Variants in CFAP44 observed in about 807,000 individuals in gnomAD.
CFAP44 encodes the protein cilia- and flagella-associated protein 44.
CFAP44 carries 134 observed loss-of-function variants against 216.2 expected under a neutral mutation model. The observed-to-expected ratio is 0.62, with a 90% CI of 0.54 to 0.72. The LOEUF is 0.72. Among genes scored for constraint, CFAP44 ranks in the 30% least tolerant of loss-of-function variants. The pLI is 0.00. For synonymous variants in CFAP44, 700 were observed against 727.6 expected, an observed-to-expected ratio of 0.96 and a Z score of 0.61; for missense variants, 2,035 against 2,182.1, an observed-to-expected ratio of 0.93 and a Z score of 1.34.
At chr3:113,340,604 A>G (rs1185040591) in intron 24 of CFAP44, among the ~76,000 whole-genome samples, 1 of 152,162 alleles carries the variant, frequency 6.6e-6, no homozygotes, top group East Asian at 1.9e-4. Flanking sequence ...CCATTGCTCA[A>G]ACCTCTAGGG....
intron 8 of CFAP44, among the ~76,000 whole-genome samples, chr3:113,404,290 T>C (rs1225537278): frequency 6.6e-6 from 1 of 152,216 alleles, no homozygotes; most frequent in East Asian, 1.9e-4. Context: ...ATGTATACAA[T>C]AGACTTCTTG....
Position 113,366,034 on chromosome 3 carries a change from C to A in CFAP44, c.2715+5G>T. ...TATTAATTAACTGGTTAATTAATTA[C>A]ATACCCTGGGAGATGGAACTTTGGC... On this transcript the variant is annotated splice_donor_5th_base_variant and intron_variant, in intron 19 of 34. Transcript: ENST00000393845. The A allele has an allele frequency of 6.3e-7, 1 of 1,596,538 alleles. No individual in the cohort carries two copies. Among genetic ancestry groups the A allele is most frequent in the Non-Finnish European group, 8.5e-7 (1 of 1,170,234 alleles).
chr3:113,294,568 G>C, intron 34 of CFAP44, 119 bp downstream of exon 34: 1 of 1,316,250 alleles, frequency 7.6e-7, no homozygotes, highest in Non-Finnish European at 1.0e-6. Context: ...AGATGGTCTG[G>C]AAGTGGTCCA....
rs774133139 is a variant in CFAP44, at chr3:113,416,535, T to A, written c.663A>T (p.Arg221Ser). 6.2e-7 allele frequency: 1 copy of A among 1,607,222 alleles called. No homozygotes were observed. Among genetic ancestry groups the A allele is most frequent in the South Asian group, 1.1e-5 (1 of 90,398 alleles). The change falls in exon 6 of 35, where the codon AGA becomes AGT. Residue 221 changes from arginine to serine, a missense_variant. Physicochemically the swap from Arg to Ser is moderately radical, Grantham distance 110. Transcript: ENST00000393845. ...IYEYPSLRPY[R>S]VLRDGTEKGY... Reference sequence around the variant, plus strand: ...TGCTTCTGGACTCACCTCGAAGGACTCTGTATGGTCTCAGAGAAGGATATT... The same window carrying A: ...TGCTTCTGGACTCACCTCGAAGGACACTGTATGGTCTCAGAGAAGGATATT...
chr3:113,293,812 T>C (rs1949854592), intron 34 of CFAP44: 1 of 273,076 alleles, frequency 3.7e-6, no homozygotes. Flanking sequence ...GTTTCTTACT[T>C]TGGGACTTTT....
rs1249541085 is a variant in CFAP44, at chr3:113,423,866, A to C, written c.407+2258T>G. Reference sequence around the variant, plus strand: ...ACGTGCAGGAAGATTTATGGACTGAAAAAGGAAAGTGACATACAGAAAACG... The same window carrying C: ...ACGTGCAGGAAGATTTATGGACTGACAAAGGAAAGTGACATACAGAAAACG... On this transcript the variant is annotated intron_variant, in intron 4 of 34. Coordinates refer to ENST00000393845, the MANE Select transcript of CFAP44 (RefSeq NM_001164496.2). Among the ~76,000 whole-genome samples, 4 of 152,196 alleles carry C rather than the reference A, an allele frequency of 2.6e-5. No homozygotes were observed. The South Asian group carries it at 8.3e-4, about 32-fold the overall frequency.
chr3:113,370,742 A>C (rs1933126004), intron 18 of CFAP44, among the ~76,000 whole-genome samples: 1 of 152,184 alleles, frequency 6.6e-6, no homozygotes, highest in African/African-American at 2.4e-5. Flanking sequence ...CAAACAGGCA[A>C]GAGAAAGAGA....
At chr3:113,324,588 A>G (rs1037900620) in intron 28 of CFAP44, among the ~76,000 whole-genome samples, 1 of 152,178 alleles carries the variant, frequency 6.6e-6, no homozygotes, top group Non-Finnish European at 1.5e-5. Context: ...CATGAAAAAG[A>G]GGAACAGAGG....
At chr3:113,400,033 T>C (rs1040299013) in intron 12 of CFAP44, 33 bp from the exon 13 acceptor site, 2 of 1,411,596 alleles carry the variant, frequency 1.4e-6, no homozygotes, top group African/African-American at 1.5e-5. Context: ...GAAAAAAAAT[T>C]ATATACATAA....
At chr3:113,362,655 A>G (rs1418981255) in intron 21 of CFAP44, among the ~76,000 whole-genome samples, 1 of 152,232 alleles carries the variant, frequency 6.6e-6, no homozygotes, top group African/African-American at 2.4e-5. Context: ...AGGGATGCAC[A>G]TAGGAATCAC....
chr3:113,394,318 C>T (rs897489597), intron 15 of CFAP44, among the ~76,000 whole-genome samples: 1 of 152,190 alleles, frequency 6.6e-6, no homozygotes, highest in Non-Finnish European at 1.5e-5. Context: ...ACTCCCCTCC[C>T]ACTCACCACC....
intron 15 of CFAP44, among the ~76,000 whole-genome samples, chr3:113,385,125 C>T (rs996734983): frequency 8.5e-5 from 13 of 152,154 alleles, no homozygotes; most frequent in African/African-American, 3.1e-4. Context: ...TTCTTGCCTG[C>T]CGCCATGTAA....
chr3:113,428,634 A>C (rs1310342752), intron 2 of CFAP44, among the ~76,000 whole-genome samples: 1 of 152,204 alleles, frequency 6.6e-6, no homozygotes, highest in Admixed American at 6.6e-5. Context: ...AATACCAAAA[A>C]CACAAACTCC....
chr3:113,392,248 C>T (rs1472679133), intron 15 of CFAP44, among the ~76,000 whole-genome samples: 5 of 152,262 alleles, frequency 3.3e-5, no homozygotes, highest in South Asian at 2.1e-4. Context: ...TGATTTGCAA[C>T]AACCTGGATG....
intron 6 of CFAP44, among the ~76,000 whole-genome samples, chr3:113,411,743 T>C (rs144276951): frequency 0.18 from 26,693 of 152,178 alleles, 3,060 homozygotes; most frequent in East Asian, 0.42. Context: ...AGTATGGCCA[T>C]GTTCATGATA....
At chr3:113,308,571 C>CA (rs199952449) in intron 28 of CFAP44, among the ~76,000 whole-genome samples, 1,670 of 151,688 alleles carry the variant, frequency 0.011, 24 homozygotes, top group African/African-American at 0.038. Context: ...TAAAATCAGA[C>CA]AAAAATTTTT....
rs572260829 is a variant in CFAP44, at chr3:113,339,942, CCT to C, written c.3437+1800_3437+1801del. Among the ~76,000 whole-genome samples, 945 of 152,304 alleles carry C rather than the reference CCT, an allele frequency of 6.2e-3. 5 individuals are homozygous for C. Among genetic ancestry groups the C allele is most frequent in the Non-Finnish European group, 9.9e-3 (673 of 68,018 alleles). On this transcript the variant is annotated intron_variant, in intron 24 of 34. Coordinates refer to ENST00000393845, the MANE Select transcript of CFAP44 (RefSeq NM_001164496.2). Reference sequence around the variant, plus strand: ...CTTAGTGCAACTGAGCCTTTCTAATCCTTGTATCTGTCCCCCAGTTCAGACTA... The same window carrying C: ...CTTAGTGCAACTGAGCCTTTCTAATCTGTATCTGTCCCCCAGTTCAGACTA...
intron 8 of CFAP44, 113 bp from the exon 9 acceptor site, chr3:113,404,129 A>T: frequency 8.0e-7 from 1 of 1,243,980 alleles, no homozygotes; most frequent in Non-Finnish European, 1.1e-6. Flanking sequence ...TGATTATAAA[A>T]TTTTTAAATG....
intron 18 of CFAP44, among the ~76,000 whole-genome samples, chr3:113,370,865 A>C (rs1047018318): frequency 3.3e-5 from 5 of 152,136 alleles, no homozygotes; most frequent in African/African-American, 1.2e-4. Context: ...TTAAGCTGAT[A>C]AACAACTTCG....
Sources: gnomAD v4.1 joint callset for allele counts (sites outside exome capture counted in the v4.1 genomes callset) on GRCh38, gnomAD v4.1.1 for gene constraint, MANE v1.5 for transcripts, NCBI Gene and HGNC (gene_info 2026-07-23, HGNC 2026-07-21) for gene names.